Variants in AHCTF1 observed in about 807,000 individuals in gnomAD.
AHCTF1 encodes protein ELYS.
AHCTF1 carries 24 observed loss-of-function variants against 248.4 expected under a neutral mutation model. The observed-to-expected ratio is 0.10, with a 90% CI of 0.07 to 0.14. The LOEUF is 0.14. Ranked by LOEUF, AHCTF1 falls within the 10% of genes least tolerant of loss-of-function variation. The probability of loss-of-function intolerance (pLI) is 1.00; values close to 1 mark genes in which losing one functional copy is unlikely to be tolerated. For synonymous variants in AHCTF1, 786 were observed against 929.8 expected (o/e 0.85, Z 2.81); for missense variants, 2,206 against 2,636.2 (o/e 0.84, Z 3.57).
At chr1:246,924,867 A>AG (rs78735882) in intron 1 of AHCTF1, among the ~76,000 whole-genome samples, 4 of 96,378 alleles carry the variant, frequency 4.2e-5, no homozygotes, top group African/African-American at 2.0e-4. Context: ...CCTAATATAA[A>AG]GGTGTGCATC....
intron 21 of AHCTF1, among the ~76,000 whole-genome samples, chr1:246,877,782 G>A (rs1260266930): frequency 6.6e-6 from 1 of 152,106 alleles, no homozygotes; most frequent in Non-Finnish European, 1.5e-5. Flanking sequence ...GAGAACCTGA[G>A]TTAAATTTGG....
intron 26 of AHCTF1, among the ~76,000 whole-genome samples, chr1:246,866,931 T>G (rs1662020905): frequency 6.6e-6 from 1 of 152,110 alleles, no homozygotes; most frequent in Non-Finnish European, 1.5e-5. Flanking sequence ...TGTAATTAAG[T>G]ATAAAAACAA....
Position 246,900,472 on chromosome 1 carries a change from G to A in AHCTF1, c.1118-3C>T, listed in dbSNP as rs1451238122. 1 of 1,581,648 alleles carries A rather than the reference G, an allele frequency of 6.3e-7. No individual in the cohort carries two copies. The highest frequency in any genetic ancestry group is 8.5e-7 in the Non-Finnish European group (1 of 1,172,858). ...AACACTAGTGTCAGGCGATAGAGCT[G>A]GAAGAAAAAGATAATTTTTAAAAAC... On this transcript the variant is annotated splice_region_variant and splice_polypyrimidine_tract_variant and intron_variant, in intron 8 of 35. Coordinates refer to ENST00000648844, the MANE Select transcript of AHCTF1 (RefSeq NM_001323342.2).
intron 8 of AHCTF1, 63 bp downstream of exon 8, chr1:246,902,462 T>C (rs1210479545): frequency 1.3e-6 from 2 of 1,544,358 alleles, no homozygotes; most frequent in African/African-American, 2.7e-5. Context: ...ATCTAGAAAA[T>C]AACACCTGTC....
intron 3 of AHCTF1, among the ~76,000 whole-genome samples, chr1:246,914,507 C>T (rs1243402608): frequency 6.6e-6 from 1 of 152,190 alleles, no homozygotes; most frequent in Non-Finnish European, 1.5e-5. Context: ...GTAACTTCAT[C>T]ACTTTTTCTT....
At chr1:246,912,407 C>T (rs1031435158) in intron 4 of AHCTF1, among the ~76,000 whole-genome samples, 13 of 150,930 alleles carry the variant, frequency 8.6e-5, no homozygotes, top group African/African-American at 2.9e-4. Context: ...TGCTTGAACA[C>T]GGGAGGCGGA....
chr1:246,851,348 A>G lies in AHCTF1; in HGVS notation c.4658T>C (p.Leu1553Pro), dbSNP rs759047411. 6.2e-7 allele frequency: 1 copy of G among 1,614,156 alleles called. No individual in the cohort carries two copies. Among genetic ancestry groups the G allele is most frequent in the African/African-American group, 1.3e-5 (1 of 75,056 alleles). ...GTCAATAGTATCAAAATTGTACTGA[A>G]GCTTAAGTGTTCCAGAGGGATATAA... ...NELYPSGTLK[L>P]QYNFDTIDQQ... Residue 1553 changes from leucine (L) to proline (P), a missense_variant, in exon 33 of 36, where the codon CTT becomes CCT. Around this residue, in one of 6 missense-constraint regions of AHCTF1, gnomAD observed 955 missense variants for 1,055.6 expected, o/e 0.90. Transcript: ENST00000648844.
rs1471592798 is a variant in AHCTF1, at chr1:246,918,308, T to C, written c.63A>G (p.Gln21=). ...ATGTTATTTCGTCTTCTCCAAGGGC[T>C]TGAAGAGTCACTTCTGGAAATGGCA... ...GLLPFPEVTL[Q]ALGEDEITLE... is the part of the protein sequence containing the mutation. The change falls in exon 2 of 36, where the codon CAA becomes CAG. Residue 21 remains glutamine, a synonymous_variant. Coordinates refer to ENST00000648844, the MANE Select transcript of AHCTF1 (RefSeq NM_001323342.2). 12 of 1,613,190 alleles carry C rather than the reference T, an allele frequency of 7.4e-6. No individual in the cohort carries two copies. The highest frequency in any genetic ancestry group is 1.3e-5 in the African/African-American group (1 of 75,022).
At chr1:246,911,341 G>A (rs1042521661) in intron 4 of AHCTF1, among the ~76,000 whole-genome samples, 1 of 152,018 alleles carries the variant, frequency 6.6e-6, no homozygotes, top group Non-Finnish European at 1.5e-5. Context: ...AACTATTTCT[G>A]ATAATCTATA....
rs961440549 is a variant in AHCTF1, at chr1:246,917,373, G to T, written c.121+877C>A. Among the ~76,000 whole-genome samples, 5 of 152,306 alleles carry T rather than the reference G, an allele frequency of 3.3e-5. 1 individual carries two copies. The highest frequency in any genetic ancestry group is 4.8e-5 in the African/African-American group (2 of 41,558). The stretch of plus-strand genomic sequence containing the variant: ...TTTGAGATGTCCATCAAGCATCCAA[G>T]TACATTAGTTGGATATGTAAGTTTA... On this transcript the variant is annotated intron_variant, in intron 2 of 35. Transcript: ENST00000648844.
intron 24 of AHCTF1, among the ~76,000 whole-genome samples, chr1:246,869,526 T>TA (rs1662406369): frequency 6.6e-6 from 1 of 152,194 alleles, no homozygotes; most frequent in African/African-American, 2.4e-5. Context: ...ACTCTGCTGT[T>TA]AGTGGTTAAT....
chr1:246,923,634 C>G (rs1666730502), intron 1 of AHCTF1, among the ~76,000 whole-genome samples: 2 of 152,174 alleles, frequency 1.3e-5, no homozygotes, highest in South Asian at 4.1e-4. Context: ...ATGTGCTACT[C>G]ATCTGCAGCA....
intron 30 of AHCTF1, among the ~76,000 whole-genome samples, chr1:246,856,678 A>G (rs1661130993): frequency 1.3e-5 from 2 of 152,246 alleles, no homozygotes; most frequent in African/African-American, 2.4e-5. Flanking sequence ...AAATTCAAAA[A>G]ACATTACAAT....
chr1:246,886,833 A>T (rs955496660), intron 20 of AHCTF1, among the ~76,000 whole-genome samples: 8 of 152,188 alleles, frequency 5.3e-5, no homozygotes, highest in African/African-American at 1.9e-4. Context: ...AAAAAACCTG[A>T]TACCTCTAAG....
intron 2 of AHCTF1, among the ~76,000 whole-genome samples, 182 bp from the exon 3 acceptor site, chr1:246,916,577 C>G (rs1666162998): frequency 1.3e-5 from 2 of 152,086 alleles, no homozygotes; most frequent in African/African-American, 4.8e-5. Flanking sequence ...TGGCGTGAAC[C>G]TGGGAGGTGG....
At chr1:246,926,688 T>G (rs1165296423) in intron 1 of AHCTF1, among the ~76,000 whole-genome samples, 1 of 152,028 alleles carries the variant, frequency 6.6e-6, no homozygotes, top group Non-Finnish European at 1.5e-5. Flanking sequence ...AAATCCCGTC[T>G]CTACTAAATA....
At chr1:246,900,508 A>ATC in intron 8 of AHCTF1, 39 bp from the exon 9 acceptor site, 1 of 1,562,598 alleles carries the variant, frequency 6.4e-7, no homozygotes, top group Non-Finnish European at 8.6e-7. Flanking sequence ...AGAATAAAGA[A>ATC]TCTCAAAGTA....
At chr1:246,889,759 G>T (rs1664089244) in intron 17 of AHCTF1, among the ~76,000 whole-genome samples, 3 of 152,128 alleles carry the variant, frequency 2.0e-5, no homozygotes, top group Non-Finnish European at 4.4e-5. Context: ...CACTTTCTTT[G>T]TCTATTACCT....
chr1:246,899,893 CAT>C (rs3063899), intron 10 of AHCTF1, among the ~76,000 whole-genome samples, 170 bp downstream of exon 10: 38,452 of 150,286 alleles, frequency 0.26, 5,051 homozygotes, highest in East Asian at 0.31. Flanking sequence ...CTTTATAAAA[CAT>C]ATAAATACTA....
Sources: allele counts gnomAD v4.1 joint callset (sites outside exome capture counted in the v4.1 genomes callset), GRCh38; gene constraint gnomAD v4.1.1; regional missense constraint gnomAD v4.1.1; transcripts MANE v1.5; gene names NCBI Gene and HGNC (gene_info 2026-07-23, HGNC 2026-07-21).